Variants in MCPH1 observed in about 807,000 individuals in gnomAD.
The protein encoded by MCPH1 is microcephalin 1.
MCPH1 carries 104 observed loss-of-function variants against 84.5 expected under a neutral mutation model. The observed-to-expected ratio is 1.23, with a 90% confidence interval of 1.05 to 1.45. The LOEUF (loss-of-function observed/expected upper bound fraction) is 1.45. MCPH1 is among the 40% of genes most tolerant of loss of function. MCPH1 has a pLI of 0.00. For synonymous variants in MCPH1, 514 were observed against 366.8 expected, an observed-to-expected ratio of 1.40 and a Z score of -4.58; for missense variants, 1,498 against 1,005.7, an observed-to-expected ratio of 1.49 and a Z score of -6.62.
intron 12 of MCPH1, among the ~76,000 whole-genome samples, chr8:6,516,363 G>C (rs952330751): frequency 6.6e-6 from 1 of 152,136 alleles, no homozygotes; most frequent in Non-Finnish European, 1.5e-5. Flanking sequence ...AAAAGATTTA[G>C]CAAAGTTCGA....
At chr8:6,560,949 G>T (rs1009099604) in intron 12 of MCPH1, among the ~76,000 whole-genome samples, 2 of 152,108 alleles carry the variant, frequency 1.3e-5, no homozygotes, top group East Asian at 1.9e-4. Context: ...CCTGCCTGTC[G>T]GGCAGATTAG....
At chr8:6,555,472 T>A (rs1237821914) in intron 12 of MCPH1, among the ~76,000 whole-genome samples, 1 of 151,744 alleles carries the variant, frequency 6.6e-6, no homozygotes, top group Non-Finnish European at 1.5e-5. Flanking sequence ...GCCCTTTTTT[T>A]TTTTTTGGAG....
At chr8:6,521,836 T>C (rs1056324883) in intron 12 of MCPH1, among the ~76,000 whole-genome samples, 1 of 152,200 alleles carries the variant, frequency 6.6e-6, no homozygotes, top group African/African-American at 2.4e-5. Flanking sequence ...TCCTAAACTA[T>C]TTATATTTTA....
rs10715108 is a variant in MCPH1 at position 6,554,308 on chromosome 8, G to GA, written c.2214+54390dup. On this transcript the variant is annotated intron_variant, in intron 12 of 13. Transcript: ENST00000344683. ...ACAAGATCTGGATTTTAAAAAGAGA[G>GA]AAAAAAAAAAATGGAAAGGCTGGCT... is the stretch of plus-strand genomic sequence containing the variant. Among the ~76,000 whole-genome samples the GA allele has an allele frequency of 7.6e-4, 108 of 142,938 alleles. No homozygotes were observed. In the East Asian group the frequency reaches 7.6e-3, roughly 10 times the overall value. The allele number at this position is 142,938 out of a possible 152,430, so 93.8% of individuals were successfully genotyped here.
intron 2 of MCPH1, among the ~76,000 whole-genome samples, chr8:6,410,751 A>G (rs560385039): frequency 2.0e-5 from 3 of 152,304 alleles, no homozygotes; most frequent in South Asian, 2.1e-4. Context: ...CAGTTAGGGA[A>G]GTAGGGTGAT....
intron 13 of MCPH1, among the ~76,000 whole-genome samples, chr8:6,629,643 C>T (rs1797010081): frequency 6.6e-6 from 1 of 152,142 alleles, no homozygotes; most frequent in Admixed American, 6.5e-5. Flanking sequence ...CCCTCCAGAA[C>T]TGTGAAAAAA....
intron 8 of MCPH1, among the ~76,000 whole-genome samples, chr8:6,451,312 G>C (rs1451055089): frequency 6.6e-6 from 1 of 152,118 alleles, no homozygotes; most frequent in East Asian, 1.9e-4. Context: ...TTTTTTATCT[G>C]TCAGATGTTT....
intron 8 of MCPH1, among the ~76,000 whole-genome samples, chr8:6,447,801 G>A (rs185889263): frequency 1.3e-5 from 2 of 152,044 alleles, no homozygotes; most frequent in African/African-American, 2.4e-5. Flanking sequence ...TACCCTCCTC[G>A]GCCTCCCAAA....
At chr8:6,532,443 C>G (rs148673964) in intron 12 of MCPH1, 1 of 1,613,962 alleles carries the variant, frequency 6.2e-7, no homozygotes, top group South Asian at 1.1e-5. Context: ...TCTGCTGTAT[C>G]TCTACCATTT....
intron 12 of MCPH1, among the ~76,000 whole-genome samples, chr8:6,506,001 T>G (rs1269379679): frequency 1.4e-5 from 2 of 141,634 alleles, no homozygotes; most frequent in Non-Finnish European, 3.0e-5. Flanking sequence ...CATATACATA[T>G]TCTTTATATA....
chr8:6,545,622 C>T (rs925890587), intron 12 of MCPH1, among the ~76,000 whole-genome samples: 4 of 152,102 alleles, frequency 2.6e-5, no homozygotes, highest in Non-Finnish European at 5.9e-5. Flanking sequence ...CGATTCTTTC[C>T]GGATCAAGCA....
chr8:6,414,686 G>T (rs1218916546), intron 2 of MCPH1, 79 bp from the exon 3 acceptor site: 3 of 1,496,046 alleles, frequency 2.0e-6, no homozygotes, highest in Admixed American at 3.6e-5. Flanking sequence ...AATTGCTGGG[G>T]TAGAGGTTTT....
chr8:6,419,053 T>A (rs542072734), intron 3 of MCPH1, among the ~76,000 whole-genome samples: 14 of 152,266 alleles, frequency 9.2e-5, no homozygotes, highest in African/African-American at 3.4e-4. Flanking sequence ...ACTCCAATTA[T>A]GTTTACGTTG....
chr8:6,460,384 T>A (rs532336425), intron 9 of MCPH1, among the ~76,000 whole-genome samples: 28 of 152,264 alleles, frequency 1.8e-4, no homozygotes, highest in African/African-American at 3.6e-4. Context: ...TTATTTTTTT[T>A]AATTATTTTT....
At chr8:6,438,715 A>G (rs1052479426) in intron 5 of MCPH1, among the ~76,000 whole-genome samples, 8 of 152,316 alleles carry the variant, frequency 5.3e-5, no homozygotes, top group South Asian at 2.1e-4. Context: ...TAATGCATAT[A>G]TTGTTCTTAG....
chr8:6,596,999 G>A (rs932583415), intron 12 of MCPH1, among the ~76,000 whole-genome samples: 6 of 152,144 alleles, frequency 3.9e-5, no homozygotes, highest in East Asian at 1.9e-4. Context: ...AAACCATCCC[G>A]TAGACCACAT....
Position 6,452,952 on chromosome 8 carries a change from G to A in MCPH1, c.1826-2191G>A, listed in dbSNP as rs918593636. Among the ~76,000 whole-genome samples the A allele has an allele frequency of 2.0e-5, 3 of 152,230 alleles. No individual in the cohort carries two copies. The East Asian group carries it at 5.8e-4, about 29-fold the overall frequency. ...ATTCAAAATAGATGTCCATTAGGTA[G>A]TTGGATATAGCCAGCCATACCTCAG... On this transcript the variant is annotated intron_variant, in intron 8 of 13. Coordinates refer to ENST00000344683, the MANE Select transcript of MCPH1 (RefSeq NM_024596.5).
rs371566184 is a variant in MCPH1 at position 6,445,111 on chromosome 8, C to T, written c.1389C>T (p.Cys463=). ...TATTTGAAATGTCTGATTTTTCCTG[C>T]GTTGGCAAAAAAACCAGAACAGTTG... ...TSIFEMSDFS[C]VGKKTRTVDI... Residue 463 remains cysteine (C), a synonymous_variant, in exon 8 of 14, where the codon TGC becomes TGT. Transcript: ENST00000344683. 1.3e-5 allele frequency: 21 copies of T among 1,614,188 alleles called. No individual in the cohort carries two copies. Among genetic ancestry groups the T allele is most frequent in the African/African-American group, 1.1e-4 (8 of 75,052 alleles).
chr8:6,536,530 A>G (rs531760008), intron 12 of MCPH1, among the ~76,000 whole-genome samples: 9 of 152,308 alleles, frequency 5.9e-5, no homozygotes, highest in African/African-American at 2.2e-4. Context: ...CCACCAGAAA[A>G]GCCCAGAATT....
Sources: gnomAD v4.1 joint callset for allele counts (sites outside exome capture counted in the v4.1 genomes callset) on GRCh38, gnomAD v4.1.1 for gene constraint, MANE v1.5 for transcripts, NCBI Gene and HGNC (gene_info 2026-07-23, HGNC 2026-07-21) for gene names.